The following ZCWPW2 variants were observed in gnomAD, a reference collection of about 807,000 sequenced individuals.
ZCWPW2 encodes the protein zinc finger CW-type PWWP domain protein 2.
ZCWPW2 carries 45 observed loss-of-function variants against 46.6 expected under a neutral mutation model. The ratio of observed to expected loss-of-function variants is 0.96; its 90% CI spans 0.76 to 1.24. The LOEUF is 1.24. ZCWPW2 is among the 50% of genes most tolerant of loss of function. ZCWPW2 has a pLI of 0.00. For synonymous variants in ZCWPW2, 152 were observed against 137.1 expected, an observed-to-expected ratio of 1.11 and a Z score of -0.76; for missense variants, 429 against 403.9, an observed-to-expected ratio of 1.06 and a Z score of -0.53.
intron 3 of ZCWPW2, among the ~76,000 whole-genome samples, chr3:28,421,744 A>G (rs573816571): frequency 1.3e-5 from 2 of 150,360 alleles, no homozygotes; most frequent in Non-Finnish European, 3.0e-5. Flanking sequence ...TTTTTTTTTC[A>G]TATATAACAT....
intron 3 of ZCWPW2, among the ~76,000 whole-genome samples, chr3:28,417,314 G>T (rs557634480): frequency 1.3e-5 from 2 of 152,166 alleles, no homozygotes; most frequent in South Asian, 2.1e-4. Context: ...GACTAAACAA[G>T]ATAGAAGTTG....
chr3:28,453,026 G>A (rs140652902), intron 4 of ZCWPW2, among the ~76,000 whole-genome samples: 82 of 152,226 alleles, frequency 5.4e-4, no homozygotes, highest in South Asian at 1.7e-3. Context: ...ATAGTTTAGC[G>A]TAAACAGAAG....
intron 4 of ZCWPW2, among the ~76,000 whole-genome samples, chr3:28,450,715 G>A (rs55817728): frequency 0.026 from 3,983 of 152,166 alleles, 153 homozygotes; most frequent in African/African-American, 0.085. Context: ...TTGTATGTAA[G>A]ATATTCCTAT....
At position 28,510,275 on chromosome 3, in the gene ZCWPW2, C is replaced by T. The variant is rs114787830; in HGVS notation, c.658-3789C>T. ...CTTTTAGCTACACCCTTTGCAATTG[C>T]TCCTTCTAAAGAAGAGTATATTGCC... On this transcript the variant is annotated intron_variant, in intron 6 of 9. Transcript: ENST00000383768. Among the ~76,000 whole-genome samples the T allele has an allele frequency of 1.5e-3, 229 of 152,282 alleles. 1 individual carries two copies. The highest frequency in any genetic ancestry group is 5.4e-3 in the African/African-American group (223 of 41,564).
intron 1 of ZCWPW2, among the ~76,000 whole-genome samples, chr3:28,374,861 T>C (rs1705451977): frequency 6.6e-6 from 1 of 152,034 alleles, no homozygotes; most frequent in South Asian, 2.1e-4. Context: ...TAACAGGTTT[T>C]CGTTAATTTT....
chr3:28,438,168 T>C (rs1697574734), intron 4 of ZCWPW2, among the ~76,000 whole-genome samples: 1 of 152,204 alleles, frequency 6.6e-6, no homozygotes. Flanking sequence ...TGTGCTGTAA[T>C]CACTGATTGC....
At chr3:28,349,395 C>G (rs757511393) in intron 1 of ZCWPW2, among the ~76,000 whole-genome samples, 192 bp downstream of exon 1, 4 of 152,144 alleles carry the variant, frequency 2.6e-5, no homozygotes, top group Non-Finnish European at 4.4e-5. Flanking sequence ...TGTTAGAAGC[C>G]GTTCCTCTGT....
At chr3:28,380,962 ATATATATATTTGG>A (rs1175880173) in intron 1 of ZCWPW2, among the ~76,000 whole-genome samples, 8 of 53,876 alleles carry the variant, frequency 1.5e-4, no homozygotes, top group African/African-American at 5.1e-4. Context: ...ATATATATAT[ATATATATATTTGG>A]TATATATATA....
chr3:28,368,798 AT>A (rs1360357390), intron 1 of ZCWPW2, among the ~76,000 whole-genome samples: 1 of 152,214 alleles, frequency 6.6e-6, no homozygotes, highest in Non-Finnish European at 1.5e-5. Flanking sequence ...AGGTACACCA[AT>A]CAGATGTAGA....
intron 4 of ZCWPW2, among the ~76,000 whole-genome samples, chr3:28,452,346 A>C (rs555409030): frequency 1.3e-5 from 2 of 152,098 alleles, no homozygotes; most frequent in African/African-American, 4.8e-5. Flanking sequence ...GTGCAGTGGC[A>C]CAGTCTCGGC....
intron 1 of ZCWPW2, among the ~76,000 whole-genome samples, chr3:28,355,863 G>A (rs534312809): frequency 2.6e-5 from 4 of 152,322 alleles, no homozygotes; most frequent in South Asian, 4.1e-4. Flanking sequence ...ATGGATTAAA[G>A]GTTTAAATGT....
chr3:28,348,863 G>A lies in ZCWPW2; in HGVS notation c.-474G>A. On this transcript the variant is annotated 5_prime_UTR_variant, in exon 1 of 10. Coordinates refer to ENST00000383768, the MANE Select transcript of ZCWPW2 (RefSeq NM_001040432.4). ...CAGGAGGGGCCGGGCCGACGCGAGA[G>A]AAGGCCCGTTACCCAGCAATACGCG... 2 of 802,416 alleles carry A rather than the reference G, an allele frequency of 2.5e-6. No homozygotes were observed. Among genetic ancestry groups the A allele is most frequent in the Non-Finnish European group, 3.0e-6 (2 of 662,752 alleles). The allele number at this position is 802,416 out of a possible 1,614,324, so 49.7% of individuals were successfully genotyped here. A position where few individuals can be genotyped will look rare whatever the true frequency, so the allele number is the denominator to read the frequency against.
At chr3:28,352,191 C>T (rs1405173094) in intron 1 of ZCWPW2, among the ~76,000 whole-genome samples, 1 of 151,008 alleles carries the variant, frequency 6.6e-6, no homozygotes, top group Admixed American at 6.6e-5. Flanking sequence ...GTATGCCTTG[C>T]AGTGCATGAC....
At chr3:28,363,094 A>C (rs1382590274) in intron 1 of ZCWPW2, among the ~76,000 whole-genome samples, 2 of 152,078 alleles carry the variant, frequency 1.3e-5, no homozygotes, top group Non-Finnish European at 2.9e-5. Flanking sequence ...CAGAAAAAAA[A>C]CAAAACAAAG....
At chr3:28,520,961 C>T (rs1287308244) in intron 8 of ZCWPW2, 31 bp from the exon 9 acceptor site, 3 of 1,609,690 alleles carry the variant, frequency 1.9e-6, no homozygotes, top group Non-Finnish European at 2.5e-6. Context: ...TGAGATGTAG[C>T]ATTTTTACTG....
Position 28,373,429 on chromosome 3 carries a change from A to G in ZCWPW2, c.-133-17069A>G, listed in dbSNP as rs552338062. Among the ~76,000 whole-genome samples, 34 of 151,846 alleles carry G rather than the reference A, an allele frequency of 2.2e-4. 1 individual carries two copies. The South Asian group carries it at 7.1e-3, about 32-fold the overall frequency. On this transcript the variant is annotated intron_variant, in intron 1 of 9. Coordinates refer to ENST00000383768, the MANE Select transcript of ZCWPW2 (RefSeq NM_001040432.4). ...TTAGTGATGTTGAGCCTTTTTTCAT[A>G]TACCTATTGGCCATTTGTATGTTGT...
chr3:28,479,079 T>C, intron 5 of ZCWPW2, 148 bp downstream of exon 5: 1 of 556,566 alleles, frequency 1.8e-6, no homozygotes, highest in South Asian at 2.9e-5. Flanking sequence ...ATTATTTTTA[T>C]ATCAATGAAT....
In ZCWPW2 at chr3:28,426,034, G is replaced by C. The variant is rs537190999; in HGVS notation, c.333-9076G>C. Among the ~76,000 whole-genome samples, 210 of 152,128 alleles carry C rather than the reference G, an allele frequency of 1.4e-3. 2 individuals carry two copies. The highest frequency in any genetic ancestry group is 4.0e-3 in the African/African-American group (167 of 41,508). The stretch of plus-strand genomic sequence containing the variant: ...TGAGGCAGGAGAATTGCTTGAACCT[G>C]GGAGGCAGAGGTTGCAGTGAGCCAA... On this transcript the variant is annotated intron_variant, in intron 3 of 9. Transcript: ENST00000383768.
At chr3:28,350,738 C>T (rs1203449625) in intron 1 of ZCWPW2, among the ~76,000 whole-genome samples, 1 of 151,734 alleles carries the variant, frequency 6.6e-6, no homozygotes, top group Non-Finnish European at 1.5e-5. Flanking sequence ...CATATATAAT[C>T]ATGTATTAAA....
Sources: allele counts gnomAD v4.1 joint callset (sites outside exome capture counted in the v4.1 genomes callset), GRCh38; gene constraint gnomAD v4.1.1; transcripts MANE v1.5; gene names NCBI Gene and HGNC (gene_info 2026-07-23, HGNC 2026-07-21).